Variants in CNR2 observed in about 807,000 individuals in gnomAD.
CNR2 encodes the protein cannabinoid receptor 2 (macrophage).
For synonymous variants in CNR2, 172 were observed against 182.2 expected (o/e 0.94, Z 0.45); for missense variants, 379 against 439.9 (o/e 0.86, Z 1.24).
At chr1:23,901,890 G>A (rs1204009613) in intron 1 of CNR2, 32 of 1,607,698 alleles carry the variant, frequency 2.0e-5, no homozygotes, top group East Asian at 4.5e-5. Context: ...TGGTTGCTGC[G>A]GTAGGCAGAA....
At chr1:23,904,109 C>T (rs936566262) in intron 1 of CNR2, among the ~76,000 whole-genome samples, 1 of 152,124 alleles carries the variant, frequency 6.6e-6, no homozygotes, top group Non-Finnish European at 1.5e-5. Context: ...TTAGCTTTGC[C>T]CCACTAGGGA....
At chr1:23,885,189 C>T (rs927038101) in intron 1 of CNR2, among the ~76,000 whole-genome samples, 4 of 151,608 alleles carry the variant, frequency 2.6e-5, no homozygotes, top group South Asian at 2.1e-4. Context: ...CCCTTGAGCC[C>T]GGGAGTTGGA....
At chr1:23,876,705 C>G in intron 1 of CNR2, among the ~76,000 whole-genome samples, 1 of 151,628 alleles carries the variant, frequency 6.6e-6, no homozygotes, top group African/African-American at 2.4e-5. Flanking sequence ...CGTGATGGCA[C>G]GTGCCTGTAG....
intron 1 of CNR2, among the ~76,000 whole-genome samples, chr1:23,903,434 G>A (rs1489573117): frequency 6.6e-6 from 1 of 151,524 alleles, no homozygotes; most frequent in East Asian, 1.9e-4. Context: ...ATTAGCCAGG[G>A]GTAGTGGTTC....
At chr1:23,893,762 A>G (rs1183042417) in intron 1 of CNR2, among the ~76,000 whole-genome samples, 1 of 152,176 alleles carries the variant, frequency 6.6e-6, no homozygotes, top group Non-Finnish European at 1.5e-5. Flanking sequence ...ATCTCAAAAC[A>G]ACCCTTCAAG....
intron 1 of CNR2, among the ~76,000 whole-genome samples, chr1:23,886,746 G>A (rs1640097784): frequency 6.6e-6 from 1 of 152,182 alleles, no homozygotes; most frequent in Non-Finnish European, 1.5e-5. Context: ...CAAGAATGGG[G>A]ATATAATTTG....
intron 1 of CNR2, among the ~76,000 whole-genome samples, chr1:23,901,148 A>T (rs1239860286): frequency 6.6e-6 from 1 of 152,084 alleles, no homozygotes; most frequent in Non-Finnish European, 1.5e-5. Context: ...GGAACCACTT[A>T]GTATCCAAGA....
chr1:23,903,895 G>A (rs1640443474), intron 1 of CNR2, among the ~76,000 whole-genome samples: 1 of 152,216 alleles, frequency 6.6e-6, no homozygotes, highest in Non-Finnish European at 1.5e-5. Flanking sequence ...GGCAGAGCCC[G>A]ATGTGAACCC....
At chr1:23,902,213 G>T in intron 1 of CNR2, 1 of 1,085,054 alleles carries the variant, frequency 9.2e-7, no homozygotes, top group Non-Finnish European at 1.3e-6. Context: ...TCCTGGTGTT[G>T]AGGGCCTCCC....
intron 1 of CNR2, among the ~76,000 whole-genome samples, chr1:23,897,719 C>T (rs911205287): frequency 6.6e-6 from 1 of 152,124 alleles, no homozygotes. Flanking sequence ...CTTAGCCTCC[C>T]AAAGTGCTGG....
chr1:23,902,712 AGCGCGTTCCTCTCGCGCAGCGTGG>A (rs1338851341), intron 1 of CNR2: 1 of 1,587,558 alleles, frequency 6.3e-7, no homozygotes, highest in Non-Finnish European at 8.5e-7. Flanking sequence ...GTTGAACATG[AGCGCGTTCCTCTCGCGCAGCGTGG>A]GGGACCGCGC....
At chr1:23,898,018 T>A (rs934231221) in intron 1 of CNR2, among the ~76,000 whole-genome samples, 7 of 151,898 alleles carry the variant, frequency 4.6e-5, no homozygotes, top group Admixed American at 2.6e-4. Context: ...ATATATTTAT[T>A]TTTATTTTTA....
At chr1:23,909,125 C>T (rs1051814761) in intron 1 of CNR2, among the ~76,000 whole-genome samples, 4 of 152,106 alleles carry the variant, frequency 2.6e-5, no homozygotes, top group Admixed American at 1.3e-4. Flanking sequence ...GGGGCCCCAG[C>T]AGCCTTCACT....
At position 23,905,176 on chromosome 1, in the gene CNR2, CT is replaced by C. The variant is rs1417589845; in HGVS notation, c.-46+8069del. Among the ~76,000 whole-genome samples, 330 of 149,464 alleles carry C rather than the reference CT, an allele frequency of 2.2e-3. 2 individuals carry two copies. Among genetic ancestry groups the C allele is most frequent in the African/African-American group, 8.1e-3 (318 of 39,234 alleles). ...GCACTATTCTCTGCACTTAACTTTT[CT>C]TTTCTTTTCTTTCTTTTTTTTTTTT... On this transcript the variant is annotated intron_variant, in intron 1 of 1. Coordinates refer to ENST00000374472, the MANE Select transcript of CNR2 (RefSeq NM_001841.3).
rs4649124 is a variant in CNR2, at chr1:23,874,867, A to G, written c.751T>C (p.Leu251=). ...VRLAKTLGLV[L]AVLLICWFPV... Reference sequence around the variant, plus strand: ...AACCAACAGATGAGGAGCACAGCCAACACTAGCCCTAGGGTCTTGGCCAAC... The same window carrying G: ...AACCAACAGATGAGGAGCACAGCCAGCACTAGCCCTAGGGTCTTGGCCAAC... Residue 251 remains leucine, a synonymous_variant, in exon 2 of 2, where the codon TTG becomes CTG. Transcript: ENST00000374472. 0.59 allele frequency: 957,908 copies of G among 1,613,680 alleles called. 287,047 individuals are homozygous for G. The highest frequency in any genetic ancestry group is 0.76 in the African/African-American group (57,019 of 74,974).
intron 1 of CNR2, among the ~76,000 whole-genome samples, chr1:23,900,473 T>C (rs913658984): frequency 6.6e-6 from 1 of 151,656 alleles, no homozygotes; most frequent in Non-Finnish European, 1.5e-5. Flanking sequence ...GTCTCTCTTA[T>C]ACTTCTGGGC....
Position 23,907,981 on chromosome 1 carries a change from C to CTTTTTTTTTTT in CNR2, c.-46+5254_-46+5264dup, listed in dbSNP as rs35507609. ...TTTGTTCTATCACCACTAACTACTG[C>CTTTTTTTTTTT]TTTTTTTTTTTTTTTTTTTTTTTGA... On this transcript the variant is annotated intron_variant, in intron 1 of 1. Transcript: ENST00000374472. The CTTTTTTTTTTT allele has an allele frequency of 8.8e-5, 7 of 79,290 alleles. 2 individuals carry two copies. Among genetic ancestry groups the CTTTTTTTTTTT allele is most frequent in the Non-Finnish European group, 8.6e-5 (4 of 46,306 alleles). 4.9% of individuals were successfully genotyped at this position (79,290 alleles called of 1,614,324 possible).
intron 1 of CNR2, among the ~76,000 whole-genome samples, chr1:23,899,566 A>T (rs1471031667): frequency 6.6e-6 from 1 of 151,522 alleles, no homozygotes; most frequent in East Asian, 2.0e-4. Flanking sequence ...CTGTAATCCC[A>T]GCACTTTGGG....
At chr1:23,899,649 C>T (rs1640348022) in intron 1 of CNR2, among the ~76,000 whole-genome samples, 1 of 148,434 alleles carries the variant, frequency 6.7e-6, no homozygotes, top group Non-Finnish European at 1.5e-5. Flanking sequence ...ACTCCGCCTC[C>T]ACTAAAAATA....
Sources: allele counts gnomAD v4.1 joint callset (sites outside exome capture counted in the v4.1 genomes callset), GRCh38; gene constraint gnomAD v4.1.1; transcripts MANE v1.5; gene names NCBI Gene and HGNC (gene_info 2026-07-23, HGNC 2026-07-21).